The following LGSN variants were observed in gnomAD, a reference collection of about 807,000 sequenced individuals.
LGSN encodes the protein lengsin, lens protein with glutamine synthetase domain, also known as lengsin.
A neutral mutation model predicts 19.5 loss-of-function variants in LGSN; 21 were observed. That is an observed-to-expected ratio of 1.07 (90% CI 0.76 to 1.55). LGSN has a LOEUF of 1.55. Ranked by LOEUF, LGSN falls within the 40% of genes most tolerant of loss-of-function variation. The pLI is 0.00. For missense variants in LGSN, 673 were observed against 608.5 expected, an observed-to-expected ratio of 1.11 and a Z score of -1.12; for synonymous variants, 257 against 215.6, an observed-to-expected ratio of 1.19 and a Z score of -1.68.
At chr6:63,318,958 A>T (rs952979707) in intron 1 of LGSN, among the ~76,000 whole-genome samples, 2 of 152,328 alleles carry the variant, frequency 1.3e-5, no homozygotes, top group East Asian at 3.9e-4. Context: ...TCACATAAAC[A>T]TGTCCACCAT....
the LGSN span, among the ~76,000 whole-genome samples, chr6:63,521,191 G>A: frequency 1.3e-5 from 2 of 151,494 alleles, no homozygotes; most frequent in Non-Finnish European, 2.9e-5. Flanking sequence ...TAACAAACCT[G>A]AGCATTCAGC....
chr6:63,339,244 A>G, the LGSN span, among the ~76,000 whole-genome samples: 1 of 152,158 alleles, frequency 6.6e-6, no homozygotes, highest in Non-Finnish European at 1.5e-5. Flanking sequence ...TTCTATCTGG[A>G]TGATTTCTCC....
chr6:63,311,368 C>T (rs1768621294), intron 1 of LGSN, among the ~76,000 whole-genome samples: 2 of 152,156 alleles, frequency 1.3e-5, no homozygotes, highest in Admixed American at 6.6e-5. Context: ...CTGTTAATCG[C>T]CAGCCGTCTT....
the LGSN span, among the ~76,000 whole-genome samples, chr6:63,331,034 TTC>T: frequency 5.6e-3 from 857 of 152,276 alleles, 6 homozygotes; most frequent in African/African-American, 0.019. Flanking sequence ...TTGGGCCAAA[TTC>T]CCCTCCCCCT....
At chr6:63,332,182 T>G in the LGSN span, among the ~76,000 whole-genome samples, 1 of 152,170 alleles carries the variant, frequency 6.6e-6, no homozygotes, top group Non-Finnish European at 1.5e-5. Flanking sequence ...AATTGTGTCT[T>G]TCTGATTGGT....
chr6:63,550,479 C>T, the LGSN span: 3 of 152,196 alleles, frequency 2.0e-5, no homozygotes, highest in South Asian at 6.2e-4. Flanking sequence ...AGAAAGAACC[C>T]TGCTACAGAG....
At chr6:63,572,288 A>C in the LGSN span, 4 of 189,924 alleles carry the variant, frequency 2.1e-5, no homozygotes, top group South Asian at 1.9e-4. Context: ...CGCCCCGGGG[A>C]TGCTCCGACT....
At chr6:63,409,068 G>A in the LGSN span, among the ~76,000 whole-genome samples, 2,673 of 152,068 alleles carry the variant, frequency 0.018, 33 homozygotes, top group Non-Finnish European at 0.022. Flanking sequence ...ACACCATCAC[G>A]CCCAGCTACT....
intron 3 of LGSN, among the ~76,000 whole-genome samples, chr6:63,283,238 T>C (rs184097321): frequency 7.7e-4 from 118 of 152,314 alleles, no homozygotes; most frequent in Middle Eastern, 3.4e-3. Context: ...TATGAATATA[T>C]GTTAATATAT....
At chr6:63,445,346 G>A in the LGSN span, among the ~76,000 whole-genome samples, 3 of 151,858 alleles carry the variant, frequency 2.0e-5, no homozygotes, top group Non-Finnish European at 2.9e-5. Context: ...GGTCAGGCAC[G>A]GTGGCTCACG....
At chr6:63,371,591 G>A in the LGSN span, among the ~76,000 whole-genome samples, 1 of 152,192 alleles carries the variant, frequency 6.6e-6, no homozygotes, top group Admixed American at 6.5e-5. Flanking sequence ...AAAAGGAAAG[G>A]AAGTCGTAAT....
chr6:63,344,820 G>A, the LGSN span, among the ~76,000 whole-genome samples: 450 of 152,230 alleles, frequency 3.0e-3, 3 homozygotes, highest in African/African-American at 0.01. Flanking sequence ...AATACTCATA[G>A]AATGATATTT....
chr6:63,412,772 G>GAAAAAGAAAGAAAGA, the LGSN span, among the ~76,000 whole-genome samples: 1 of 41,152 alleles, frequency 2.4e-5, no homozygotes, highest in Non-Finnish European at 4.4e-5. Context: ...AGAAAGAAAG[G>GAAAAAGAAAGAAAGA]AAGGAAGGGA....
the LGSN span, among the ~76,000 whole-genome samples, chr6:63,370,179 C>T: frequency 1.3e-5 from 2 of 152,280 alleles, no homozygotes; most frequent in South Asian, 2.1e-4. Context: ...GTAACATCCC[C>T]CTCAAGTAAG....
chr6:63,442,291 T>C, the LGSN span, among the ~76,000 whole-genome samples: 1 of 152,202 alleles, frequency 6.6e-6, no homozygotes, highest in African/African-American at 2.4e-5. Flanking sequence ...GTAAGATTTA[T>C]TGCAAACAGA....
chr6:63,362,047 G>C, the LGSN span, among the ~76,000 whole-genome samples: 1 of 152,174 alleles, frequency 6.6e-6, no homozygotes, highest in Non-Finnish European at 1.5e-5. Flanking sequence ...ACTTGATCTT[G>C]TCCCACTGGA....
the LGSN span, among the ~76,000 whole-genome samples, chr6:63,353,458 A>G: frequency 6.6e-6 from 1 of 152,088 alleles, no homozygotes; most frequent in Non-Finnish European, 1.5e-5. Flanking sequence ...TCTATCACAG[A>G]GTATTTTGTA....
chr6:63,381,945 T>C, the LGSN span, among the ~76,000 whole-genome samples: 1 of 152,240 alleles, frequency 6.6e-6, no homozygotes, highest in Non-Finnish European at 1.5e-5. Context: ...AAATGTTTCC[T>C]GACTACATGA....
chr6:63,390,811 G>GATCA, the LGSN span, among the ~76,000 whole-genome samples: 1 of 137,790 alleles, frequency 7.3e-6, no homozygotes, highest in Non-Finnish European at 1.5e-5. Flanking sequence ...AGTGAGCCGA[G>GATCA]ATCACGCCAC....
Sources: gnomAD v4.1 joint callset for allele counts (sites outside exome capture counted in the v4.1 genomes callset) on GRCh38, gnomAD v4.1.1 for gene constraint, MANE v1.5 for transcripts, NCBI Gene and HGNC (gene_info 2026-07-23, HGNC 2026-07-21) for gene names.